SEMA3E: variants seen among roughly 807,000 people sequenced by gnomAD.
SEMA3E encodes semaphorin 3E, also known as semaphorin-3E.
A neutral mutation model predicts 93.6 loss-of-function variants in SEMA3E; 49 were observed. The observed-to-expected ratio is 0.52, with a 90% CI of 0.42 to 0.66. The LOEUF (loss-of-function observed/expected upper bound fraction) is 0.66. Ranked by LOEUF, SEMA3E falls within the 30% of genes least tolerant of loss-of-function variation. SEMA3E has a pLI of 0.00. For synonymous variants in SEMA3E, 363 were observed against 330.7 expected (o/e 1.10, Z -1.06); for missense variants, 906 against 964.8 (o/e 0.94, Z 0.81).
At chr7:83,515,294 A>G (rs1004375985) in intron 1 of SEMA3E, among the ~76,000 whole-genome samples, 1 of 15,664 alleles carries the variant, frequency 6.4e-5, no homozygotes, top group Non-Finnish European at 1.7e-4. Context: ...TTTTCTTATG[A>G]AAAAAAAAAA....
intron 9 of SEMA3E, among the ~76,000 whole-genome samples, chr7:83,403,032 A>T (rs1302412848): frequency 1.3e-5 from 2 of 151,982 alleles, no homozygotes; most frequent in African/African-American, 4.8e-5. Flanking sequence ...ATGTTACTTC[A>T]GTTATTTTTA....
chr7:83,518,015 T>G (rs1320247947), intron 1 of SEMA3E, among the ~76,000 whole-genome samples: 1 of 152,120 alleles, frequency 6.6e-6, no homozygotes, highest in Admixed American at 6.6e-5. Context: ...AACTGTTATT[T>G]CCATCAGAGA....
chr7:83,376,187 A>G (rs1258584756), intron 16 of SEMA3E, among the ~76,000 whole-genome samples: 1 of 152,026 alleles, frequency 6.6e-6, no homozygotes, highest in East Asian at 1.9e-4. Flanking sequence ...TTAATGGGGA[A>G]CAAAAACTGA....
intron 7 of SEMA3E, among the ~76,000 whole-genome samples, chr7:83,406,286 C>G (rs1054860041): frequency 6.6e-6 from 1 of 151,930 alleles, no homozygotes; most frequent in South Asian, 2.1e-4. Context: ...CACCCTGATA[C>G]AGTAAATATA....
rs757409343 is a variant in SEMA3E at position 83,402,668 on chromosome 7, G to A, written c.1107C>T (p.Val369=). Residue 369 remains valine (V), a synonymous_variant, in exon 10 of 17, where the codon GTC becomes GTT. Coordinates refer to ENST00000643230, the MANE Select transcript of SEMA3E (RefSeq NM_012431.3). ...HKEGPEYHWS[V]YEGKVPYPRP... Reference sequence around the variant, plus strand: ...TTGGATAAGGGACTTTTCCTTCATAGACTGACCAGTGGTATTCAGGTCCTT... The same window carrying A: ...TTGGATAAGGGACTTTTCCTTCATAAACTGACCAGTGGTATTCAGGTCCTT... The A allele has an allele frequency of 3.1e-6, 5 of 1,612,898 alleles. No individual in the cohort carries two copies. In the South Asian group the frequency reaches 5.5e-5, roughly 18 times the overall value.
At chr7:83,626,830 C>T (rs762531353) in intron 1 of SEMA3E, among the ~76,000 whole-genome samples, 2 of 152,100 alleles carry the variant, frequency 1.3e-5, no homozygotes, top group South Asian at 2.1e-4. Context: ...CCCACTTTCT[C>T]CTGTAGGGAT....
intron 1 of SEMA3E, among the ~76,000 whole-genome samples, chr7:83,606,427 C>T (rs1584360338): frequency 6.6e-6 from 1 of 151,250 alleles, no homozygotes. Context: ...GAATACTATG[C>T]AGCCATAAAA....
intron 1 of SEMA3E, among the ~76,000 whole-genome samples, chr7:83,627,194 A>T (rs1793687372): frequency 6.6e-6 from 1 of 152,158 alleles, no homozygotes; most frequent in Non-Finnish European, 1.5e-5. Flanking sequence ...TTTGGAGTGG[A>T]GTGTTCTGTA....
chr7:83,505,750 T>A (rs1260046866), intron 1 of SEMA3E, among the ~76,000 whole-genome samples: 1 of 152,094 alleles, frequency 6.6e-6, no homozygotes, highest in Non-Finnish European at 1.5e-5. Flanking sequence ...GCACAGTGGC[T>A]CATGCCTGTA....
At chr7:83,434,236 T>G (rs567055832) in intron 4 of SEMA3E, among the ~76,000 whole-genome samples, 14 of 152,052 alleles carry the variant, frequency 9.2e-5, no homozygotes, top group Non-Finnish European at 1.9e-4. Context: ...TCTTACTTAA[T>G]AAAAACCTGC....
rs2709941 is a variant in SEMA3E at position 83,407,286 on chromosome 7, T to A, written c.671-47A>T. ...GAAAAAGTGAAATAGATATTACAACTAAATGCTAACAAGTTATTCCAATAA... is the reference window on the plus strand; with the variant it reads ...GAAAAAGTGAAATAGATATTACAACAAAATGCTAACAAGTTATTCCAATAA... On this transcript the variant is annotated intron_variant, in intron 6 of 16. Coordinates refer to ENST00000643230, the MANE Select transcript of SEMA3E (RefSeq NM_012431.3). 0.6 allele frequency: 880,484 copies of A among 1,478,504 alleles called. 271,401 individuals are homozygous for A. Among genetic ancestry groups the A allele is most frequent in the East Asian group, 0.83 (36,674 of 43,970 alleles). The allele number at this position is 1,478,504 out of a possible 1,614,324, so 91.6% of individuals were successfully genotyped here.
At chr7:83,537,552 A>G (rs1203621378) in intron 1 of SEMA3E, among the ~76,000 whole-genome samples, 1 of 152,206 alleles carries the variant, frequency 6.6e-6, no homozygotes, top group Non-Finnish European at 1.5e-5. Context: ...TGGACAGCAA[A>G]GAATGAATGT....
At chr7:83,408,534 T>C in intron 5 of SEMA3E, 47 bp from the exon 6 acceptor site, 1 of 1,595,116 alleles carries the variant, frequency 6.3e-7, no homozygotes, top group South Asian at 1.1e-5. Context: ...TGTTAATATG[T>C]TAACAAATTA....
rs75656634 is a variant in SEMA3E, at chr7:83,538,479, T to C, written c.116-48205A>G. On this transcript the variant is annotated intron_variant, in intron 1 of 16. Coordinates refer to ENST00000643230, the MANE Select transcript of SEMA3E (RefSeq NM_012431.3). ...CATGTGCTTACTGACCATTTGCATA[T>C]CTTCCCTGGAGGAGTGTCTACTGAG... Among the ~76,000 whole-genome samples the C allele has an allele frequency of 7.5e-3, 1,142 of 152,284 alleles. 8 individuals carry two copies. The highest frequency in any genetic ancestry group is 0.027 in the African/African-American group (1,103 of 41,564).
intron 4 of SEMA3E, among the ~76,000 whole-genome samples, chr7:83,423,669 A>AT (rs1316397857): frequency 3.0e-5 from 3 of 101,460 alleles, no homozygotes; most frequent in African/African-American, 9.3e-5. Context: ...ACGCCCGGCT[A>AT]ATTTTTTTTT....
At chr7:83,488,385 A>G (rs934358763) in intron 2 of SEMA3E, among the ~76,000 whole-genome samples, 2 of 152,120 alleles carry the variant, frequency 1.3e-5, no homozygotes, top group Non-Finnish European at 2.9e-5. Flanking sequence ...GTTTTAAAAC[A>G]CAGAGATTAA....
intron 2 of SEMA3E, among the ~76,000 whole-genome samples, chr7:83,482,929 G>GACGAAATCT (rs1790179537): frequency 2.0e-5 from 1 of 48,966 alleles, no homozygotes; most frequent in Non-Finnish European, 4.7e-5. Flanking sequence ...AAGAGAAATG[G>GACGAAATCT]TCTGACTAGC....
chr7:83,417,673 C>A (rs1788581022), intron 5 of SEMA3E, among the ~76,000 whole-genome samples: 1 of 152,092 alleles, frequency 6.6e-6, no homozygotes, highest in Non-Finnish European at 1.5e-5. Flanking sequence ...GGAGCTCATT[C>A]ATCAGTCTTT....
At chr7:83,616,847 C>A (rs1449656661) in intron 1 of SEMA3E, 1 of 351,862 alleles carries the variant, frequency 2.8e-6, no homozygotes, top group Non-Finnish European at 5.5e-6. Context: ...GCCTCAGCCT[C>A]CTGAGTAGCT....
Sources: allele counts gnomAD v4.1 joint callset (sites outside exome capture counted in the v4.1 genomes callset), GRCh38; gene constraint gnomAD v4.1.1; transcripts MANE v1.5; gene names NCBI Gene and HGNC (gene_info 2026-07-23, HGNC 2026-07-21).